GYG2: variants seen among roughly 807,000 people sequenced by gnomAD.
The protein encoded by GYG2 is glycogenin 2, also known as glycogenin-2.
GYG2 carries 29 observed loss-of-function variants against 29.4 expected under a neutral mutation model. The observed-to-expected ratio is 0.99, with a 90% CI of 0.74 to 1.35. The LOEUF is 1.35. GYG2 is among the 40% of genes most tolerant of loss of function. The pLI is 0.00. For missense variants in GYG2, 370 were observed against 385.7 expected (o/e 0.96, Z 0.34); for synonymous variants, 167 against 172.3 (o/e 0.97, Z 0.24).
intron 2 of GYG2, among the ~76,000 whole-genome samples, chrX:2,839,218 C>G (rs749061183): frequency 9.0e-6 from 1 of 111,303 alleles, no homozygotes; most frequent in East Asian, 2.8e-4. Flanking sequence ...GATTTTGCCC[C>G]TGGTGATGGG....
intron 10 of GYG2, 185 bp downstream of exon 10, chrX:2,877,492 A>G (rs1174038468): frequency 7.6e-6 from 8 of 1,054,820 alleles, no homozygotes; most frequent in Non-Finnish European, 4.9e-6. Context: ...GCCTGGGGTG[A>G]TCGGCCGACT....
At chrX:2,846,055 ATTTTTTTTTT>A (rs374480210) in intron 3 of GYG2, among the ~76,000 whole-genome samples, 7 of 38,673 alleles carry the variant, frequency 1.8e-4, no homozygotes, top group African/African-American at 6.9e-4. Context: ...ATATATATAT[ATTTTTTTTTT>A]TTTTTTTTTT....
intron 2 of GYG2, among the ~76,000 whole-genome samples, chrX:2,838,029 C>CAA (rs61022116): frequency 0.13 from 12,783 of 99,429 alleles, 691 homozygotes; most frequent in South Asian, 0.28. Context: ...AGGCATGTGC[C>CAA]AAAAAAAAAA....
intron 2 of GYG2, among the ~76,000 whole-genome samples, chrX:2,831,923 G>T: frequency 8.9e-6 from 1 of 112,355 alleles, no homozygotes; most frequent in Middle Eastern, 4.6e-3. Context: ...GTGGGCTGTG[G>T]TGCAGTGACA....
At chrX:2,880,936 T>C (rs1215069277) in intron 10 of GYG2, 116 bp from the exon 11 acceptor site, 41 of 626,340 alleles carry the variant, frequency 6.5e-5, no homozygotes, top group Non-Finnish European at 8.5e-5. Context: ...TCGCAATCTC[T>C]TTTTGAGAAC....
At position 2,834,086 on chromosome X, in the gene GYG2, C is replaced by T. The variant is rs149536976; in HGVS notation, c.7+3891C>T. Among the ~76,000 whole-genome samples the T allele has an allele frequency of 3.0e-3, 334 of 112,566 alleles. 2 individuals carry two copies. Among genetic ancestry groups the T allele is most frequent in the Non-Finnish European group, 4.9e-3 (263 of 53,294 alleles). On this transcript the variant is annotated intron_variant, in intron 2 of 10. Transcript: ENST00000398806. ...CCTTGTTCTCCAGCTGCTGTTGCTA[C>T]GCTGTGAGGAATGCAGGATGCAGCA...
chrX:2,864,863 A>G (rs2088261942), intron 8 of GYG2, among the ~76,000 whole-genome samples: 1 of 109,961 alleles, frequency 9.1e-6, no homozygotes, highest in African/African-American at 3.3e-5. Flanking sequence ...CCCGAGTCCA[A>G]GCAATTCTCC....
In GYG2 at chrX:2,879,258, CTTATCTATTTTCT is replaced by C. The variant is rs1372915790; in HGVS notation, c.1252-1791_1252-1779del. On this transcript the variant is annotated intron_variant, in intron 10 of 10. Coordinates refer to ENST00000398806, the MANE Select transcript of GYG2 (RefSeq NM_001079855.2). ...ATATCATGTATCTATCTATCTACCT[CTTATCTATTTTCT>C]TTTTTTTTTTTTTTTTGATGGAGTC... Among the ~76,000 whole-genome samples, 7 of 107,185 alleles carry C rather than the reference CTTATCTATTTTCT, an allele frequency of 6.5e-5. No homozygotes were observed. The East Asian group carries it at 2.0e-3, about 31-fold the overall frequency. The allele number at this position is 107,185 out of a possible 115,157, so 93.1% of individuals were successfully genotyped here.
chrX:2,855,105 A>G lies in GYG2; in HGVS notation c.437A>G (p.His146Arg). 8.3e-7 allele frequency: 1 copy of G among 1,211,096 alleles called. No individual in the cohort carries two copies. The highest frequency in any genetic ancestry group is 1.1e-6 in the Non-Finnish European group (1 of 895,077). ...GTGTTTGTCTTCCAGCCTTCTCTCC[A>G]CACGCATAAACTCCTGCTACAGCAC... ...SGVFVFQPSL[H>R]THKLLLQHAM... Residue 146 changes from histidine (H) to arginine (R), a missense_variant, in exon 5 of 11, where the codon CAC becomes CGC. By Grantham distance (29) the His-to-Arg change is conservative. Coordinates refer to ENST00000398806, the MANE Select transcript of GYG2 (RefSeq NM_001079855.2).
chrX:2,845,590 CAT>C (rs1491116457), intron 3 of GYG2, among the ~76,000 whole-genome samples: 1 of 102,813 alleles, frequency 9.7e-6, no homozygotes, highest in South Asian at 4.2e-4. Context: ...TATATATACA[CAT>C]GTGTATGTAC....
intron 2 of GYG2, among the ~76,000 whole-genome samples, chrX:2,835,587 G>A: frequency 8.9e-6 from 1 of 111,793 alleles, no homozygotes; most frequent in East Asian, 2.8e-4. Flanking sequence ...AGAGATAGAA[G>A]AAGAGACACA....
At chrX:2,848,478 C>T (rs1342466991) in intron 3 of GYG2, among the ~76,000 whole-genome samples, 1 of 101,224 alleles carries the variant, frequency 9.9e-6, no homozygotes, top group Non-Finnish European at 2.0e-5. Flanking sequence ...GCAGAGGTTG[C>T]AGTGAGCCCA....
rs1294293118 is a variant in GYG2, at chrX:2,845,078, T to C, written c.149+1724T>C. ...ATACACGTGTGTATGTATATTTATATACACGTGTGTATGTATATTTATATA... is the reference window on the plus strand; with the variant it reads ...ATACACGTGTGTATGTATATTTATACACACGTGTGTATGTATATTTATATA... On this transcript the variant is annotated intron_variant, in intron 3 of 10. Transcript: ENST00000398806. Among the ~76,000 whole-genome samples, 33 of 94,477 alleles carry C rather than the reference T, an allele frequency of 3.5e-4. 5 individuals carry two copies. The highest frequency in any genetic ancestry group is 6.3e-4 in the Non-Finnish European group (30 of 47,552). The allele number at this position is 94,477 out of a possible 115,157, so 82.0% of individuals were successfully genotyped here. A position where few individuals can be genotyped will look rare whatever the true frequency, so the allele number is the denominator to read the frequency against.
intron 8 of GYG2, among the ~76,000 whole-genome samples, chrX:2,869,920 G>A (rs1282822340): frequency 1.8e-5 from 2 of 112,465 alleles, no homozygotes; most frequent in African/African-American, 6.5e-5. Context: ...GAAATTACAG[G>A]CGTGGGCCAC....
Position 2,856,752 on chromosome X carries a change from G to GTATC in GYG2, c.614+161_614+164dup, listed in dbSNP as rs1284530504. 8.7e-3 allele frequency: 1,444 copies of GTATC among 166,278 alleles called. 27 individuals are homozygous for GTATC. The highest frequency in any genetic ancestry group is 0.044 in the African/African-American group (1,221 of 27,626). The allele number at this position is 166,278 out of a possible 1,213,427, so 13.7% of individuals were successfully genotyped here. On this transcript the variant is annotated intron_variant, in intron 6 of 10. Coordinates refer to ENST00000398806, the MANE Select transcript of GYG2 (RefSeq NM_001079855.2). ...ATCTATCTATCATCTATCTATCTAT[G>GTATC]TATCTATCTATCTATCTATCTATCT...
At chrX:2,836,670 T>G in intron 2 of GYG2, among the ~76,000 whole-genome samples, 1 of 58,576 alleles carries the variant, frequency 1.7e-5, no homozygotes. Context: ...AGCAAGACCC[T>G]GTCAAAAAAA....
Position 2,830,601 on chromosome X carries a change from A to G in GYG2, c.7+406A>G, listed in dbSNP as rs1299209980. 2.7e-5 allele frequency among the ~76,000 whole-genome samples: 3 copies of G among 111,582 alleles called. No homozygotes were observed. In the Admixed American group the frequency reaches 2.8e-4, roughly 11 times the overall value. ...GCCTTGAGTTCTTAGAACTCAGACC[A>G]CGGTTTTAATTTCTGTTTCCAGTAC... On this transcript the variant is annotated intron_variant, in intron 2 of 10. Transcript: ENST00000398806.
chrX:2,839,405 C>G (rs1419540677), intron 2 of GYG2, among the ~76,000 whole-genome samples: 1 of 110,939 alleles, frequency 9.0e-6, no homozygotes, highest in Admixed American at 9.8e-5. Context: ...CTAGGAGCTC[C>G]ACATCCACCA....
At chrX:2,869,958 A>G (rs1006530630) in intron 8 of GYG2, among the ~76,000 whole-genome samples, 7 of 112,110 alleles carry the variant, frequency 6.2e-5, no homozygotes, top group Non-Finnish European at 1.3e-4. Flanking sequence ...TGTGTTTTTT[A>G]AAGTAAAGCT....
Sources: gnomAD v4.1 joint callset for allele counts (sites outside exome capture counted in the v4.1 genomes callset) on GRCh38, gnomAD v4.1.1 for gene constraint, MANE v1.5 for transcripts, NCBI Gene and HGNC (gene_info 2026-07-23, HGNC 2026-07-21) for gene names.